Variants in FMN2 observed in about 807,000 individuals in gnomAD.
FMN2 encodes formin 2.
FMN2 carries 51 observed loss-of-function variants against 142.3 expected under a neutral mutation model. That is an observed-to-expected ratio of 0.36 (90% CI 0.29 to 0.45). The LOEUF (loss-of-function observed/expected upper bound fraction) is 0.45, where lower values mean the gene tolerates loss of function less well. Among genes scored for constraint, FMN2 ranks in the 20% least tolerant of loss-of-function variants. FMN2 has a pLI of 1.00. For synonymous variants in FMN2, 882 were observed against 869.8 expected (o/e 1.01, Z -0.25); for missense variants, 1,936 against 2,122.8 (o/e 0.91, Z 1.73).
intron 2 of FMN2, among the ~76,000 whole-genome samples, chr1:240,146,591 T>C (rs6656098): frequency 0.58 from 87,502 of 151,208 alleles, 25,498 homozygotes; most frequent in South Asian, 0.73. Flanking sequence ...CTAGTCCCAG[T>C]TACTTGAGAG....
chr1:240,415,771 G>A (rs576222384), intron 15 of FMN2, among the ~76,000 whole-genome samples: 223 of 152,242 alleles, frequency 1.5e-3, no homozygotes, highest in African/African-American at 4.6e-3. Flanking sequence ...AGTATTTACC[G>A]AGTGATTCAT....
intron 8 of FMN2, among the ~76,000 whole-genome samples, chr1:240,310,356 C>T (rs1173819077): frequency 1.3e-5 from 2 of 152,152 alleles, no homozygotes; most frequent in African/African-American, 2.4e-5. Context: ...ATTTGTTATA[C>T]AAACCTTATT....
chr1:240,300,895 C>A (rs1408933900), intron 8 of FMN2, among the ~76,000 whole-genome samples: 1 of 122,418 alleles, frequency 8.2e-6, no homozygotes, highest in South Asian at 2.6e-4. Flanking sequence ...TTACTGTGTG[C>A]ATGTTTTTTT....
intron 2 of FMN2, among the ~76,000 whole-genome samples, chr1:240,159,519 T>C (rs1430000997): frequency 1.3e-5 from 2 of 152,064 alleles, no homozygotes; most frequent in Admixed American, 1.3e-4. Context: ...AAGAGTCAGG[T>C]ATTACTTTGT....
At chr1:240,437,291 G>T (rs1471574582) in intron 15 of FMN2, among the ~76,000 whole-genome samples, 3 of 119,710 alleles carry the variant, frequency 2.5e-5, no homozygotes, top group African/African-American at 8.4e-5. Flanking sequence ...AGCATCTCTT[G>T]CTTTTTTTTT....
chr1:240,120,388 C>A (rs915454437), intron 1 of FMN2, among the ~76,000 whole-genome samples: 1 of 152,076 alleles, frequency 6.6e-6, no homozygotes, highest in South Asian at 2.1e-4. Context: ...GCTCATAAAG[C>A]CTAAGATACT....
intron 8 of FMN2, among the ~76,000 whole-genome samples, chr1:240,302,926 A>G (rs1670252241): frequency 6.6e-6 from 1 of 152,028 alleles, no homozygotes; most frequent in Non-Finnish European, 1.5e-5. Context: ...TATGCCCTAT[A>G]TGGATATAAA....
chr1:240,294,742 G>T, intron 7 of FMN2, 80 bp from the exon 8 acceptor site: 1 of 1,308,834 alleles, frequency 7.6e-7, no homozygotes, highest in Non-Finnish European at 1.1e-6. Context: ...CTGCTGAGCC[G>T]TGAGCCTGCT....
At chr1:240,333,459 T>A (rs7530215) in intron 11 of FMN2, among the ~76,000 whole-genome samples, 9 of 152,146 alleles carry the variant, frequency 5.9e-5, no homozygotes, top group South Asian at 2.1e-4. Context: ...CTAATGAGCC[T>A]CAATCAAACT....
In FMN2 at chr1:240,093,720, C is replaced by T. The variant is rs1661097672; in HGVS notation, c.1611C>T (p.Phe537=). 3 of 1,349,510 alleles carry T rather than the reference C, an allele frequency of 2.2e-6. No individual in the cohort carries two copies. Among genetic ancestry groups the T allele is most frequent in the South Asian group, 2.2e-5 (1 of 46,302 alleles). 83.6% of individuals were successfully genotyped at this position (1,349,510 alleles called of 1,614,324 possible). The part of the protein sequence containing the change: ...PAAADGFQNV[F]TGRTLLEKLF... ...CTGCGGATGGCTTCCAGAACGTGTTCACAGGTGAGCGCGCCCTGCTGCTGG... is the reference window on the plus strand; with the variant it reads ...CTGCGGATGGCTTCCAGAACGTGTTTACAGGTGAGCGCGCCCTGCTGCTGG... Residue 537 remains phenylalanine, a synonymous_variant, in exon 1 of 18, where the codon TTC becomes TTT. Transcript: ENST00000319653.
Position 240,152,365 on chromosome 1 carries a change from G to A in FMN2, c.1783-25556G>A, listed in dbSNP as rs187240007. On this transcript the variant is annotated intron_variant, in intron 2 of 17. Coordinates refer to ENST00000319653, the MANE Select transcript of FMN2 (RefSeq NM_020066.5). ...TATTCCTTCCCTTAACTCAAAATTG[G>A]TTTCCTTTTATAAGGCTATAGTTTT... is the stretch of plus-strand genomic sequence containing the variant. Among the ~76,000 whole-genome samples, 336 of 151,268 alleles carry A rather than the reference G, an allele frequency of 2.2e-3. 3 individuals are homozygous for A. The highest frequency in any genetic ancestry group is 7.7e-3 in the African/African-American group (317 of 41,268).
chr1:240,341,859 G>A lies in FMN2; in HGVS notation c.4765+7630G>A, dbSNP rs142587872. Among the ~76,000 whole-genome samples, 5 of 152,334 alleles carry A rather than the reference G, an allele frequency of 3.3e-5. No individual in the cohort carries two copies. In the East Asian group the frequency reaches 9.6e-4, roughly 29 times the overall value. ...ATGACTTGGCTGGGGTCTGGGCTGG[G>A]AAGCTGTGGCTACTTACTCTTGCTG... On this transcript the variant is annotated intron_variant, in intron 13 of 17. Coordinates refer to ENST00000319653, the MANE Select transcript of FMN2 (RefSeq NM_020066.5).
intron 7 of FMN2, among the ~76,000 whole-genome samples, chr1:240,265,942 A>ATTTTT (rs1558401671): frequency 2.2e-5 from 3 of 139,012 alleles, no homozygotes; most frequent in Non-Finnish European, 3.0e-5. Context: ...TCCTTTTTTC[A>ATTTTT]TTGCCCTGAA....
chr1:240,319,183 A>G (rs1472919373), intron 8 of FMN2, among the ~76,000 whole-genome samples: 1 of 152,126 alleles, frequency 6.6e-6, no homozygotes, highest in Non-Finnish European at 1.5e-5. Flanking sequence ...ATTCACAAGA[A>G]GAAGATGTAA....
At chr1:240,437,866 G>A (rs185441504) in intron 15 of FMN2, among the ~76,000 whole-genome samples, 195 bp from the exon 16 acceptor site, 29 of 152,222 alleles carry the variant, frequency 1.9e-4, no homozygotes, top group Admixed American at 8.5e-4. Flanking sequence ...GAGGATTCTC[G>A]TCAGTTGCTG....
chr1:240,256,481 G>A (rs1668452882), intron 6 of FMN2, among the ~76,000 whole-genome samples: 2 of 150,548 alleles, frequency 1.3e-5, no homozygotes, highest in South Asian at 4.2e-4. Context: ...GTTTATGCCT[G>A]TTATTTCAAC....
chr1:240,170,344 GGTT>G, intron 2 of FMN2: 1 of 1,123,542 alleles, frequency 8.9e-7, no homozygotes, highest in Non-Finnish European at 1.4e-6. Flanking sequence ...TGATCCTGAG[GGTT>G]GTTTTCCAGT....
intron 16 of FMN2, among the ~76,000 whole-genome samples, chr1:240,452,961 C>T (rs530192048): frequency 3.9e-5 from 6 of 152,210 alleles, no homozygotes; most frequent in South Asian, 2.1e-4. Flanking sequence ...AGCAAGAGCA[C>T]GTGCTTGTAG....
chr1:240,143,685 G>T, intron 2 of FMN2: 1 of 1,605,746 alleles, frequency 6.2e-7, no homozygotes, highest in Non-Finnish European at 8.5e-7. Flanking sequence ...CCTTCCCCAG[G>T]TGATTGAGAC....
Sources: allele counts gnomAD v4.1 joint callset (sites outside exome capture counted in the v4.1 genomes callset), GRCh38; gene constraint gnomAD v4.1.1; transcripts MANE v1.5; gene names NCBI Gene and HGNC (gene_info 2026-07-23, HGNC 2026-07-21).